SLC9D1: variants seen among roughly 807,000 people sequenced by gnomAD.
The protein encoded by SLC9D1 is solute carrier family 9 member D1.
chr13:113,549,398 G>T, the SLC9D1 span: 1 of 1,611,394 alleles, frequency 6.2e-7, no homozygotes, highest in South Asian at 1.1e-5. Flanking sequence ...CAGTCTCTGT[G>T]ACCCGCTCTG....
At chr13:113,503,018 C>T in the SLC9D1 span, among the ~76,000 whole-genome samples, 4 of 152,226 alleles carry the variant, frequency 2.6e-5, no homozygotes, top group East Asian at 1.9e-4. Context: ...CTGGGAAGAA[C>T]GGCTGTTTCA....
At chr13:113,550,053 C>A in the SLC9D1 span, 1 of 197,892 alleles carries the variant, frequency 5.1e-6, no homozygotes, top group Non-Finnish European at 1.0e-5. Flanking sequence ...GAGACAAATA[C>A]GGATGTCTAT....
the SLC9D1 span, chr13:113,527,359 A>T: frequency 6.6e-6 from 1 of 152,026 alleles, no homozygotes; most frequent in African/African-American, 2.4e-5. Flanking sequence ...TTTCATGGTT[A>T]ATCTGCTGGC....
chr13:113,533,922 GAT>G, the SLC9D1 span: 2 of 739,522 alleles, frequency 2.7e-6, no homozygotes, highest in Non-Finnish European at 4.6e-6. Flanking sequence ...TGAAAATAAA[GAT>G]GTGTATGATT....
chr13:113,534,300 C>T, the SLC9D1 span: 1 of 1,354,128 alleles, frequency 7.4e-7, no homozygotes, highest in Non-Finnish European at 1.1e-6. Flanking sequence ...TCACTGAAAT[C>T]TTGTGATCCA....
chr13:113,520,483 CAAAAAAAAAAA>C, the SLC9D1 span: 2 of 364,940 alleles, frequency 5.5e-6, no homozygotes, highest in South Asian at 8.0e-5. Flanking sequence ...AACTCCATCT[CAAAAAAAAAAA>C]AAAAAAAAGT....
chr13:113,492,904 G>A, the SLC9D1 span, among the ~76,000 whole-genome samples: 2 of 152,034 alleles, frequency 1.3e-5, no homozygotes, highest in South Asian at 2.1e-4. Context: ...GTCTCAAACA[G>A]CAACAACAAC....
the SLC9D1 span, chr13:113,510,222 CTG>C: frequency 1.9e-6 from 3 of 1,610,650 alleles, no homozygotes; most frequent in Non-Finnish European, 2.5e-6. Context: ...GTGTGACTCA[CTG>C]TGTTCTCTTT....
chr13:113,495,823 A>C, the SLC9D1 span: 14 of 1,614,204 alleles, frequency 8.7e-6, no homozygotes, highest in Non-Finnish European at 1.2e-5. Context: ...GTGGAGAAAG[A>C]CGTGGGCCTG....
chr13:113,521,830 G>A, the SLC9D1 span, among the ~76,000 whole-genome samples: 1 of 152,126 alleles, frequency 6.6e-6, no homozygotes, highest in East Asian at 1.9e-4. Context: ...CTTAAAGTGG[G>A]ATAGGACTGT....
chr13:113,508,808 C>CA, the SLC9D1 span, among the ~76,000 whole-genome samples: 2 of 151,324 alleles, frequency 1.3e-5, no homozygotes, highest in Non-Finnish European at 3.0e-5. Context: ...CCCTGATTCT[C>CA]AAAAAAAAAG....
chr13:113,544,946 A>C, the SLC9D1 span, among the ~76,000 whole-genome samples: 1 of 152,334 alleles, frequency 6.6e-6, no homozygotes, highest in South Asian at 2.1e-4. Flanking sequence ...CCAGCTCCCT[A>C]ATTCCTAGTC....
chr13:113,543,196 C>G, the SLC9D1 span, among the ~76,000 whole-genome samples: 1 of 46,742 alleles, frequency 2.1e-5, no homozygotes, highest in Admixed American at 2.1e-4. Flanking sequence ...CCCTGCCCCT[C>G]GCCCTCCCTC....
At chr13:113,549,872 G>GT in the SLC9D1 span, 620 of 530,412 alleles carry the variant, frequency 1.2e-3, 1 homozygote, top group African/African-American at 0.011. Flanking sequence ...TCAGTTCATA[G>GT]TTTTTTTAGT....
the SLC9D1 span, chr13:113,504,536 C>T: frequency 1.3e-5 from 2 of 152,350 alleles, no homozygotes; most frequent in Middle Eastern, 3.4e-3. Context: ...CATTCTTACA[C>T]ATTTGTGTCC....
At chr13:113,519,494 G>T in the SLC9D1 span, among the ~76,000 whole-genome samples, 1 of 152,176 alleles carries the variant, frequency 6.6e-6, no homozygotes, top group African/African-American at 2.4e-5. Flanking sequence ...GCAAGTTACT[G>T]AATTTGTGAA....
chr13:113,523,558 A>G, the SLC9D1 span, among the ~76,000 whole-genome samples: 4 of 152,164 alleles, frequency 2.6e-5, no homozygotes, highest in Admixed American at 1.3e-4. Context: ...GGATTTGGCA[A>G]TTGTATTAAT....
At chr13:113,506,844 A>G in the SLC9D1 span, among the ~76,000 whole-genome samples, 1 of 152,236 alleles carries the variant, frequency 6.6e-6, no homozygotes, top group African/African-American at 2.4e-5. Flanking sequence ...AATTGTGAGC[A>G]GCGTGAGCAT....
At chr13:113,547,216 AG>A in the SLC9D1 span, 1 of 1,014,640 alleles carries the variant, frequency 9.9e-7, no homozygotes, top group Non-Finnish European at 1.6e-6. Context: ...TATTGAAGCA[AG>A]TGACACACTG....
Sources: gnomAD v4.1 joint callset for allele counts (sites outside exome capture counted in the v4.1 genomes callset) on GRCh38, gnomAD v4.1.1 for gene constraint, MANE v1.5 for transcripts, NCBI Gene and HGNC (gene_info 2026-07-23, HGNC 2026-07-21) for gene names.